FRMD4A: variants seen among roughly 807,000 people sequenced by gnomAD.
FRMD4A encodes FERM domain containing 4A, also known as FERM domain-containing protein 4A.
Under a neutral mutation model 129.1 loss-of-function variants are expected in FRMD4A, and 29 were observed. The ratio of observed to expected loss-of-function variants is 0.22; its 90% CI spans 0.17 to 0.31. The LOEUF (loss-of-function observed/expected upper bound fraction) is 0.31, where lower values mean the gene tolerates loss of function less well. Ranked by LOEUF, FRMD4A falls within the 10% of genes least tolerant of loss-of-function variation. FRMD4A has a pLI of 1.00. For synonymous variants in FRMD4A, 634 were observed against 571.6 expected, an observed-to-expected ratio of 1.11 and a Z score of -1.56; for missense variants, 1,272 against 1,375.8, an observed-to-expected ratio of 0.92 and a Z score of 1.19.
intron 12 of FRMD4A, among the ~76,000 whole-genome samples, chr10:13,724,163 C>A (rs12219634): frequency 6.6e-6 from 1 of 151,992 alleles, no homozygotes; most frequent in Non-Finnish European, 1.5e-5. Context: ...ACGAGGCAGG[C>A]GGATCACGAG....
At chr10:14,185,504 T>G (rs942465702) in intron 2 of FRMD4A, among the ~76,000 whole-genome samples, 1 of 152,134 alleles carries the variant, frequency 6.6e-6, no homozygotes, top group African/African-American at 2.4e-5. Context: ...TAACTTCAAG[T>G]ATTTTTTGGA....
At chr10:14,081,135 G>C (rs545743996) in intron 2 of FRMD4A, among the ~76,000 whole-genome samples, 1 of 152,116 alleles carries the variant, frequency 6.6e-6, no homozygotes, top group Non-Finnish European at 1.5e-5. Flanking sequence ...ATTTGGTAGA[G>C]TTTAATAAAC....
chr10:13,955,503 C>T (rs1007179479), intron 2 of FRMD4A, among the ~76,000 whole-genome samples: 3 of 152,206 alleles, frequency 2.0e-5, no homozygotes, highest in Non-Finnish European at 1.5e-5. Flanking sequence ...ACTACCAATA[C>T]AGCAGGGTGG....
intron 2 of FRMD4A, among the ~76,000 whole-genome samples, chr10:14,271,547 G>A (rs1845164937): frequency 6.6e-6 from 1 of 152,184 alleles, no homozygotes; most frequent in African/African-American, 2.4e-5. Flanking sequence ...ACAGAGAGTG[G>A]CCTCCACCAG....
At chr10:14,323,288 T>C (rs1261244425) in intron 2 of FRMD4A, among the ~76,000 whole-genome samples, 1 of 152,242 alleles carries the variant, frequency 6.6e-6, no homozygotes, top group Non-Finnish European at 1.5e-5. Flanking sequence ...ACTACTAGTA[T>C]ATACTGTGCT....
intron 2 of FRMD4A, among the ~76,000 whole-genome samples, chr10:14,265,268 T>A (rs1218339): frequency 6.6e-6 from 1 of 152,050 alleles, no homozygotes; most frequent in Non-Finnish European, 1.5e-5. Context: ...ATTATTATCA[T>A]GGTCCTTTTT....
intron 2 of FRMD4A, among the ~76,000 whole-genome samples, chr10:13,946,035 G>A (rs540832681): frequency 2.5e-4 from 38 of 152,334 alleles, no homozygotes; most frequent in African/African-American, 9.1e-4. Context: ...AGTTAGGGAA[G>A]TAAAAAACAG....
chr10:14,232,422 T>C (rs539881070), intron 2 of FRMD4A, among the ~76,000 whole-genome samples: 2 of 152,374 alleles, frequency 1.3e-5, no homozygotes, highest in African/African-American at 4.8e-5. Flanking sequence ...GGCTCCTTTT[T>C]GGTTCCATAT....
intron 6 of FRMD4A, among the ~76,000 whole-genome samples, chr10:13,772,452 T>G (rs1272822018): frequency 1.3e-5 from 2 of 152,086 alleles, no homozygotes; most frequent in African/African-American, 4.8e-5. Context: ...GAGCTGTCAA[T>G]GCTGGTTTAC....
intron 2 of FRMD4A, among the ~76,000 whole-genome samples, chr10:14,232,941 G>A (rs1272814265): frequency 3.3e-5 from 5 of 152,084 alleles, no homozygotes; most frequent in African/African-American, 1.2e-4. Context: ...ACTCTGGCTA[G>A]GTCTTCCAAT....
intron 2 of FRMD4A, among the ~76,000 whole-genome samples, chr10:13,875,734 T>A (rs139005460): frequency 1.3e-5 from 2 of 152,102 alleles, no homozygotes; most frequent in East Asian, 1.9e-4. Context: ...TTCCCAGGAC[T>A]GAGGGAAAAG....
intron 2 of FRMD4A, among the ~76,000 whole-genome samples, chr10:13,909,115 T>G (rs2094913143): frequency 6.6e-6 from 1 of 152,242 alleles, no homozygotes; most frequent in South Asian, 2.1e-4. Flanking sequence ...TTTTGCTCAT[T>G]ACATATCTTT....
intron 2 of FRMD4A, among the ~76,000 whole-genome samples, chr10:14,211,360 G>A (rs1344867029): frequency 1.3e-5 from 2 of 152,162 alleles, no homozygotes; most frequent in Non-Finnish European, 2.9e-5. Context: ...GATTCAGTGA[G>A]AGGCAGATTC....
chr10:14,039,932 T>A (rs562127833), intron 2 of FRMD4A, among the ~76,000 whole-genome samples: 1 of 152,254 alleles, frequency 6.6e-6, no homozygotes, highest in African/African-American at 2.4e-5. Flanking sequence ...GGTTCATATA[T>A]GTATGTATGT....
chr10:14,123,568 C>T (rs1455960547), intron 2 of FRMD4A, among the ~76,000 whole-genome samples: 1 of 152,212 alleles, frequency 6.6e-6, no homozygotes, highest in Non-Finnish European at 1.5e-5. Context: ...AGTCCCCCAT[C>T]TTTGTTTCTG....
intron 2 of FRMD4A, among the ~76,000 whole-genome samples, chr10:14,073,430 A>G (rs1446893832): frequency 6.6e-6 from 1 of 152,100 alleles, no homozygotes; most frequent in Non-Finnish European, 1.5e-5. Flanking sequence ...TTCCTAGGTG[A>G]TTGACTTAAT....
chr10:13,782,768 T>C (rs1404707254), intron 6 of FRMD4A, among the ~76,000 whole-genome samples, 154 bp downstream of exon 6: 1 of 152,156 alleles, frequency 6.6e-6, no homozygotes, highest in Non-Finnish European at 1.5e-5. Flanking sequence ...AATGGTGCCG[T>C]TAGCTTCATA....
chr10:14,101,050 C>G (rs139845971), intron 2 of FRMD4A, among the ~76,000 whole-genome samples: 43 of 152,302 alleles, frequency 2.8e-4, no homozygotes, highest in African/African-American at 8.4e-4. Context: ...TCCCTAACCC[C>G]TTAGCCCTGA....
intron 2 of FRMD4A, among the ~76,000 whole-genome samples, chr10:14,288,227 C>T (rs911699452): frequency 2.6e-5 from 4 of 152,140 alleles, no homozygotes; most frequent in Admixed American, 2.0e-4. Flanking sequence ...AGTCGAACTT[C>T]CCAACAGTAA....
Sources: allele counts gnomAD v4.1 joint callset (sites outside exome capture counted in the v4.1 genomes callset), GRCh38; gene constraint gnomAD v4.1.1; transcripts MANE v1.5; gene names NCBI Gene and HGNC (gene_info 2026-07-23, HGNC 2026-07-21).